FER: variants seen among roughly 807,000 people sequenced by gnomAD.
The protein encoded by FER is FER tyrosine kinase.
A neutral mutation model predicts 111.0 loss-of-function variants in FER; 63 were observed. That is an observed-to-expected ratio of 0.57 (90% confidence interval 0.46 to 0.70). The LOEUF (loss-of-function observed/expected upper bound fraction) is 0.70. Among genes scored for constraint, FER ranks in the 30% least tolerant of loss-of-function variants. The pLI is 0.00. For synonymous variants in FER, 327 were observed against 313.9 expected (o/e 1.04, Z -0.44); for missense variants, 914 against 954.0 (o/e 0.96, Z 0.55).
intron 13 of FER, among the ~76,000 whole-genome samples, chr5:109,010,448 T>C (rs1452476069): frequency 6.6e-6 from 1 of 152,156 alleles, no homozygotes; most frequent in Non-Finnish European, 1.5e-5. Context: ...TGAGCCACCG[T>C]GCCCAGCCTT....
intron 18 of FER, among the ~76,000 whole-genome samples, chr5:109,182,540 A>G (rs563394528): frequency 6.6e-6 from 1 of 152,318 alleles, no homozygotes; most frequent in South Asian, 2.1e-4. Context: ...AATACTCAAT[A>G]TTTACACAAA....
At chr5:108,801,989 A>T (rs903493660) in intron 3 of FER, among the ~76,000 whole-genome samples, 91 of 152,332 alleles carry the variant, frequency 6.0e-4, no homozygotes, top group African/African-American at 2.2e-3. Context: ...CCTGGGCAGG[A>T]CAGAGTGGGG....
chr5:109,085,073 T>C (rs1178956851), intron 16 of FER, among the ~76,000 whole-genome samples: 1 of 151,848 alleles, frequency 6.6e-6, no homozygotes, highest in Non-Finnish European at 1.5e-5. Flanking sequence ...TATAGTTCTA[T>C]GGAAAAATTT....
intron 14 of FER, 50 bp from the exon 15 acceptor site, chr5:109,044,630 A>T (rs1328955876): frequency 1.1e-6 from 1 of 932,414 alleles, no homozygotes; most frequent in Non-Finnish European, 1.6e-6. Context: ...TTTGGCAAAG[A>T]TATACATGCT....
chr5:109,000,672 A>G (rs1764647402), intron 13 of FER, among the ~76,000 whole-genome samples: 1 of 152,188 alleles, frequency 6.6e-6, no homozygotes, highest in Non-Finnish European at 1.5e-5. Flanking sequence ...ACTGAAGGAA[A>G]TAGAGACACA....
chr5:108,764,869 G>T (rs887659827), intron 1 of FER, among the ~76,000 whole-genome samples: 1 of 152,170 alleles, frequency 6.6e-6, no homozygotes. Flanking sequence ...AGGCAAGAGA[G>T]TTGCCTAGGA....
At chr5:109,136,934 CA>C (rs1752956704) in intron 17 of FER, among the ~76,000 whole-genome samples, 2 of 152,212 alleles carry the variant, frequency 1.3e-5, no homozygotes, top group South Asian at 4.1e-4. Context: ...GGTGTAAAAG[CA>C]ATTTTGATAT....
intron 8 of FER, among the ~76,000 whole-genome samples, chr5:108,880,182 G>T (rs542213360): frequency 7.2e-5 from 11 of 152,140 alleles, no homozygotes; most frequent in Non-Finnish European, 1.6e-4. Flanking sequence ...ATGAATGATT[G>T]AAGTTTTGAG....
chr5:108,911,719 G>A lies in FER; in HGVS notation c.1236+13871G>A, dbSNP rs538719158. 9.9e-5 allele frequency among the ~76,000 whole-genome samples: 15 copies of A among 152,194 alleles called. No homozygotes were observed. The South Asian group carries it at 3.1e-3, about 32-fold the overall frequency. On this transcript the variant is annotated intron_variant, in intron 10 of 19. Transcript: ENST00000281092. ...TTCAGAGCACCATTTATTGGATAGG[G>A]TAGCCTTTCCTCACTGTTTATTTTT...
chr5:108,927,551 G>A (rs1418911109), intron 10 of FER, among the ~76,000 whole-genome samples: 1 of 152,038 alleles, frequency 6.6e-6, no homozygotes, highest in Non-Finnish European at 1.5e-5. Context: ...GAGCCATCGC[G>A]CCCGGCGAGA....
intron 1 of FER, among the ~76,000 whole-genome samples, chr5:108,750,980 G>A (rs533078738): frequency 6.6e-6 from 1 of 152,238 alleles, no homozygotes; most frequent in African/African-American, 2.4e-5. Context: ...ATCACCTGAG[G>A]TCGGGAGTTC....
Position 109,195,571 on chromosome 5 carries a change from GGAACT to G in FER, c.*7998_*8002del, listed in dbSNP as rs990146012. ...ATCAAATCAAAATCACAGACAAAGG[GGAACT>G]GGTCGAGAGGGGTCTTAGTTATTTC... On this transcript the variant is annotated 3_prime_UTR_variant, in exon 20 of 20. Coordinates refer to ENST00000281092, the MANE Select transcript of FER (RefSeq NM_005246.4). 2.0e-5 allele frequency: 3 copies of G among 152,092 alleles called. No individual in the cohort carries two copies. Among genetic ancestry groups the G allele is most frequent in the African/African-American group, 7.2e-5 (3 of 41,410 alleles). 9.4% of individuals were successfully genotyped at this position (152,092 alleles called of 1,614,324 possible).
intron 13 of FER, among the ~76,000 whole-genome samples, chr5:109,018,622 G>A (rs528860198): frequency 6.6e-6 from 1 of 151,812 alleles, no homozygotes; most frequent in African/African-American, 2.4e-5. Flanking sequence ...TGGTTGTGTG[G>A]TAGGTTTGTG....
chr5:109,052,258 T>C lies in FER; in HGVS notation c.1924+5060T>C, dbSNP rs1235758638. On this transcript the variant is annotated intron_variant, in intron 16 of 19. Transcript: ENST00000281092. Reference sequence around the variant, plus strand: ...CACATGAGAGATTGGGAAAGACTTGTCATAGCAGACATTTTCACAACCAGG... The same window carrying C: ...CACATGAGAGATTGGGAAAGACTTGCCATAGCAGACATTTTCACAACCAGG... 37 of 1,606,992 alleles carry C rather than the reference T, an allele frequency of 2.3e-5. No homozygotes were observed. The East Asian group carries it at 7.8e-4, about 34-fold the overall frequency.
At chr5:108,775,264 T>A (rs1241711298) in intron 2 of FER, among the ~76,000 whole-genome samples, 2 of 152,210 alleles carry the variant, frequency 1.3e-5, no homozygotes, top group African/African-American at 4.8e-5. Flanking sequence ...TCTGTTTTGG[T>A]ACTAGTACCA....
intron 2 of FER, among the ~76,000 whole-genome samples, chr5:108,792,225 C>T (rs984303607): frequency 3.9e-5 from 6 of 152,006 alleles, no homozygotes; most frequent in South Asian, 2.1e-4. Flanking sequence ...AAAAGCTAGC[C>T]GAGATATTAA....
chr5:109,043,874 G>C (rs1342519474), intron 14 of FER, among the ~76,000 whole-genome samples: 1 of 152,026 alleles, frequency 6.6e-6, no homozygotes, highest in South Asian at 2.1e-4. Context: ...GGGAGGCTGA[G>C]ACAGGAGAAT....
chr5:108,992,867 C>T (rs1474952570), intron 13 of FER, among the ~76,000 whole-genome samples: 4 of 144,934 alleles, frequency 2.8e-5, no homozygotes, highest in African/African-American at 5.1e-5. Flanking sequence ...GACGGGGTCG[C>T]GGCCAGGCAG....
intron 16 of FER, among the ~76,000 whole-genome samples, chr5:109,058,126 A>G (rs1211207325): frequency 1.3e-5 from 2 of 152,168 alleles, no homozygotes; most frequent in Non-Finnish European, 2.9e-5. Context: ...TTAAATGCAG[A>G]AAAAAACATT....
Sources: gnomAD v4.1 joint callset for allele counts (sites outside exome capture counted in the v4.1 genomes callset) on GRCh38, gnomAD v4.1.1 for gene constraint, MANE v1.5 for transcripts, NCBI Gene and HGNC (gene_info 2026-07-23, HGNC 2026-07-21) for gene names.